The following FBXO36 variants were observed in gnomAD, a reference collection of about 807,000 sequenced individuals.
FBXO36 encodes the protein F-box protein 36.
A neutral mutation model predicts 17.0 loss-of-function variants in FBXO36; 18 were observed. That is an observed-to-expected ratio of 1.06 (90% confidence interval 0.73 to 1.57). The LOEUF (loss-of-function observed/expected upper bound fraction) is 1.57, where lower values mean the gene tolerates loss of function less well. FBXO36 is among the 40% of genes most tolerant of loss of function. FBXO36 has a pLI of 0.00. For synonymous variants in FBXO36, 83 were observed against 85.3 expected (o/e 0.97, Z 0.15); for missense variants, 229 against 221.9 (o/e 1.03, Z -0.20).
At chr2:229,952,076 A>G (rs1228533656) in intron 1 of FBXO36, among the ~76,000 whole-genome samples, 1 of 152,164 alleles carries the variant, frequency 6.6e-6, no homozygotes, top group Non-Finnish European at 1.5e-5. Flanking sequence ...TTCATAAGTT[A>G]TTTTAATTAC....
chr2:229,979,499 G>A (rs779553248), intron 2 of FBXO36, among the ~76,000 whole-genome samples: 6 of 151,846 alleles, frequency 4.0e-5, no homozygotes, highest in Admixed American at 1.3e-4. Context: ...TAAAAGTTGG[G>A]CTGGGTGCAG....
chr2:229,973,874 C>A (rs1444735458), intron 1 of FBXO36, among the ~76,000 whole-genome samples: 1 of 151,786 alleles, frequency 6.6e-6, no homozygotes, highest in African/African-American at 2.4e-5. Context: ...TGGTGAAACC[C>A]CATCACTACC....
intron 2 of FBXO36, among the ~76,000 whole-genome samples, chr2:229,981,759 G>A (rs1340600898): frequency 6.6e-6 from 1 of 151,490 alleles, no homozygotes; most frequent in East Asian, 1.9e-4. Flanking sequence ...TTCCCAGCAT[G>A]TCCTTATGGT....
intron 1 of FBXO36, among the ~76,000 whole-genome samples, chr2:229,964,005 G>A (rs1446084461): frequency 6.6e-6 from 1 of 152,080 alleles, no homozygotes; most frequent in Non-Finnish European, 1.5e-5. Context: ...TTACTATTAT[G>A]AGTAAAATTG....
At chr2:229,954,805 C>T (rs1452594794) in intron 1 of FBXO36, among the ~76,000 whole-genome samples, 1 of 151,252 alleles carries the variant, frequency 6.6e-6, no homozygotes. Flanking sequence ...CCTCGGCCTC[C>T]TAAAGTGCTG....
At chr2:230,009,554 G>C (rs1480606664) in intron 3 of FBXO36, among the ~76,000 whole-genome samples, 3 of 152,172 alleles carry the variant, frequency 2.0e-5, no homozygotes, top group Admixed American at 1.3e-4. Context: ...AATTGGAGAA[G>C]GTTTGGATCA....
intron 1 of FBXO36, among the ~76,000 whole-genome samples, chr2:229,930,375 G>A (rs1356288029): frequency 2.0e-5 from 3 of 152,106 alleles, no homozygotes; most frequent in African/African-American, 7.2e-5. Context: ...CATCTCTGTT[G>A]TTTGTGTTGA....
intron 1 of FBXO36, chr2:229,943,128 C>G (rs1232917721): frequency 1.3e-5 from 2 of 152,308 alleles, no homozygotes; most frequent in Non-Finnish European, 2.9e-5. Context: ...GTCCAGCAGT[C>G]ATGCTGTCAG....
At chr2:229,938,378 T>G in intron 1 of FBXO36, among the ~76,000 whole-genome samples, 1 of 144,358 alleles carries the variant, frequency 6.9e-6, no homozygotes, top group Admixed American at 7.1e-5. Context: ...CCCGCCATCA[T>G]GCCCGGCTAA....
chr2:229,927,667 T>C (rs924829271), intron 1 of FBXO36, among the ~76,000 whole-genome samples: 3 of 151,336 alleles, frequency 2.0e-5, no homozygotes, highest in South Asian at 2.1e-4. Context: ...GAAGGAAGAA[T>C]TGGGCAATAG....
In FBXO36 at chr2:229,973,719, CAA is replaced by C. The variant is rs61291521; in HGVS notation, c.97-2507_97-2506del. On this transcript the variant is annotated intron_variant, in intron 1 of 3. Coordinates refer to ENST00000283946, the MANE Select transcript of FBXO36 (RefSeq NM_174899.5). ...CTAGGGACAGAGCAAGACTCCATCT[CAA>C]AAAAAAAAAAAAAAGTTCTTTAAAA... Among the ~76,000 whole-genome samples, 865 of 130,148 alleles carry C rather than the reference CAA, an allele frequency of 6.6e-3. 7 individuals carry two copies. The highest frequency in any genetic ancestry group is 0.018 in the South Asian group (71 of 3,936). The allele number at this position is 130,148 out of a possible 152,430, so 85.4% of individuals were successfully genotyped here.
At chr2:229,959,564 G>T (rs989250295) in intron 1 of FBXO36, among the ~76,000 whole-genome samples, 1 of 152,132 alleles carries the variant, frequency 6.6e-6, no homozygotes, top group Non-Finnish European at 1.5e-5. Flanking sequence ...TGCCAAAGTA[G>T]GCTGGGCGCG....
intron 1 of FBXO36, among the ~76,000 whole-genome samples, chr2:229,927,775 C>T (rs906200153): frequency 1.3e-5 from 2 of 150,316 alleles, no homozygotes; most frequent in African/African-American, 4.9e-5. Context: ...AATGAAAAAG[C>T]TCACCCCTCT....
At chr2:229,936,139 C>T (rs564448015) in intron 1 of FBXO36, among the ~76,000 whole-genome samples, 9 of 152,214 alleles carry the variant, frequency 5.9e-5, no homozygotes, top group East Asian at 1.9e-4. Context: ...ACCGAGGTCA[C>T]GCACCATTGC....
intron 1 of FBXO36, among the ~76,000 whole-genome samples, chr2:229,950,148 CTGGG>C (rs1048722082): frequency 3.9e-5 from 6 of 152,108 alleles, no homozygotes; most frequent in Non-Finnish European, 5.9e-5. Context: ...ACAGCCCAGG[CTGGG>C]CGCAGTGGCT....
chr2:229,976,264 C>G lies in FBXO36; in HGVS notation c.120C>G (p.Ile40Met), dbSNP rs1288560009. 8 of 1,605,524 alleles carry G rather than the reference C, an allele frequency of 5.0e-6. No homozygotes were observed. The South Asian group carries it at 9.0e-5, about 18-fold the overall frequency. Residue 40 changes from isoleucine (I) to methionine (M), a missense_variant, in exon 2 of 4, where the codon ATC becomes ATG. Ile to Met is a conservative substitution (Grantham distance 10). Coordinates refer to ENST00000283946, the MANE Select transcript of FBXO36 (RefSeq NM_174899.5). ...RSQVIFRWWK[I>M]SLRSEYRSTK... ...AGGTAATCTTTAGATGGTGGAAGAT[C>G]TCTCTAAGGAGTGAGTATCGATCAA...
At chr2:229,945,392 C>T (rs1201019214) in intron 1 of FBXO36, among the ~76,000 whole-genome samples, 1 of 152,108 alleles carries the variant, frequency 6.6e-6, no homozygotes, top group African/African-American at 2.4e-5. Context: ...CTGCAACCTC[C>T]ACCTCCCAGG....
At position 229,996,133 on chromosome 2, in the gene FBXO36, C is replaced by G. The variant is rs1208343420; in HGVS notation, c.206-618C>G. On this transcript the variant is annotated intron_variant, in intron 2 of 3. Transcript: ENST00000283946. ...TCTAAAAAAAAATTTAAAAAAATAG[C>G]CAGGCATGGTGGCACACACCAATAG... Among the ~76,000 whole-genome samples, 2 of 151,758 alleles carry G rather than the reference C, an allele frequency of 1.3e-5. 1 individual carries two copies. The highest frequency in any genetic ancestry group is 4.2e-4 in the South Asian group (2 of 4,808).
intron 1 of FBXO36, among the ~76,000 whole-genome samples, chr2:229,954,445 G>C (rs1159911391): frequency 6.7e-6 from 1 of 149,542 alleles, no homozygotes; most frequent in African/African-American, 2.5e-5. Context: ...GTTTTGCCCT[G>C]TTGGCTAGGC....
Sources: gnomAD v4.1 joint callset for allele counts (sites outside exome capture counted in the v4.1 genomes callset) on GRCh38, gnomAD v4.1.1 for gene constraint, MANE v1.5 for transcripts, NCBI Gene and HGNC (gene_info 2026-07-23, HGNC 2026-07-21) for gene names.